The following NPAS3 variants were observed in gnomAD, a reference collection of about 807,000 sequenced individuals.
NPAS3 encodes the protein neuronal PAS domain-containing protein 3.
In NPAS3, 14 loss-of-function variants were observed where a neutral mutation model predicts 73.1. That is an observed-to-expected ratio of 0.19 (90% CI 0.13 to 0.30). NPAS3 has a LOEUF of 0.30. NPAS3 is among the 10% of genes least tolerant of loss of function. The pLI, the probability that NPAS3 is intolerant of heterozygous loss-of-function variation, is 1.00. For missense variants in NPAS3, 1,096 were observed against 1,250.0 expected, an observed-to-expected ratio of 0.88 and a Z score of 1.86; for synonymous variants, 620 against 541.5, an observed-to-expected ratio of 1.14 and a Z score of -2.01.
chr14:32,986,443 C>G (rs956802110), intron 1 of NPAS3, among the ~76,000 whole-genome samples: 10 of 152,096 alleles, frequency 6.6e-5, no homozygotes, highest in African/African-American at 2.2e-4. Context: ...TTTCCTTTGA[C>G]TATCAGGAAA....
intron 1 of NPAS3, among the ~76,000 whole-genome samples, chr14:33,049,585 G>C (rs1226814440): frequency 6.6e-6 from 1 of 152,170 alleles, no homozygotes; most frequent in Non-Finnish European, 1.5e-5. Flanking sequence ...AACAGCACAG[G>C]AAAGACCTGC....
chr14:33,513,674 A>T (rs1305886915), intron 4 of NPAS3, among the ~76,000 whole-genome samples: 1 of 151,986 alleles, frequency 6.6e-6, no homozygotes, highest in Non-Finnish European at 1.5e-5. Flanking sequence ...CTTCCAAGGG[A>T]GTAAGAAGGA....
intron 2 of NPAS3, among the ~76,000 whole-genome samples, chr14:33,204,891 AG>A: frequency 6.6e-6 from 1 of 152,170 alleles, no homozygotes. Context: ...AAGTAGGGAA[AG>A]GGTGGCATTT....
intron 1 of NPAS3, among the ~76,000 whole-genome samples, chr14:32,988,343 A>T (rs1458630037): frequency 1.3e-5 from 2 of 152,212 alleles, no homozygotes; most frequent in African/African-American, 4.8e-5. Context: ...TTAATCTTTT[A>T]TCTTCTCAGT....
intron 4 of NPAS3, among the ~76,000 whole-genome samples, chr14:33,402,312 T>G (rs1276288824): frequency 1.3e-5 from 2 of 152,138 alleles, no homozygotes; most frequent in African/African-American, 4.8e-5. Context: ...ATTGATACTT[T>G]TCCTCAATCT....
At chr14:33,784,989 A>G (rs2063124098) in intron 9 of NPAS3, among the ~76,000 whole-genome samples, 1 of 151,414 alleles carries the variant, frequency 6.6e-6, no homozygotes, top group Non-Finnish European at 1.5e-5. Context: ...ACCTCAGGTG[A>G]TCCACCTACC....
intron 5 of NPAS3, among the ~76,000 whole-genome samples, chr14:33,573,224 T>G (rs1380680143): frequency 6.6e-6 from 1 of 152,048 alleles, no homozygotes; most frequent in Non-Finnish European, 1.5e-5. Context: ...CAACCACGCT[T>G]TTAACCATGC....
At chr14:33,039,550 G>A (rs182909652) in intron 1 of NPAS3, among the ~76,000 whole-genome samples, 1 of 152,110 alleles carries the variant, frequency 6.6e-6, no homozygotes, top group Admixed American at 6.5e-5. Flanking sequence ...GTGTGAAATC[G>A]ATACACTATC....
At chr14:33,650,657 T>G (rs2058965143) in intron 5 of NPAS3, among the ~76,000 whole-genome samples, 1 of 152,158 alleles carries the variant, frequency 6.6e-6, no homozygotes, top group Admixed American at 6.5e-5. Context: ...GGCTGCAGAA[T>G]AAAAGACATC....
chr14:33,251,909 A>G (rs893935404), intron 3 of NPAS3, among the ~76,000 whole-genome samples: 3 of 151,994 alleles, frequency 2.0e-5, no homozygotes, highest in African/African-American at 7.2e-5. Context: ...ACCTGGCCCA[A>G]TTTATTTCAG....
At chr14:33,046,639 G>A (rs2040517098) in intron 1 of NPAS3, among the ~76,000 whole-genome samples, 1 of 152,168 alleles carries the variant, frequency 6.6e-6, no homozygotes, top group South Asian at 2.1e-4. Flanking sequence ...TCTGGAAGAA[G>A]GTGTGGGGCT....
At chr14:33,696,451 G>A (rs1458855991) in intron 6 of NPAS3, among the ~76,000 whole-genome samples, 1 of 152,158 alleles carries the variant, frequency 6.6e-6, no homozygotes, top group Admixed American at 6.5e-5. Flanking sequence ...ATAAACACGA[G>A]AGTGCTTCAT....
chr14:33,688,936 A>T (rs2060161743), intron 6 of NPAS3, among the ~76,000 whole-genome samples: 1 of 152,238 alleles, frequency 6.6e-6, no homozygotes, highest in African/African-American at 2.4e-5. Context: ...GTAGGAATTC[A>T]GTTAAATTGC....
intron 2 of NPAS3, among the ~76,000 whole-genome samples, chr14:33,061,830 C>T (rs1377696567): frequency 1.3e-5 from 2 of 152,108 alleles, no homozygotes; most frequent in African/African-American, 4.8e-5. Flanking sequence ...TGGAGCGGTG[C>T]CTCAGGAGAA....
At chr14:33,777,182 T>A (rs930849213) in intron 8 of NPAS3, among the ~76,000 whole-genome samples, 1 of 152,166 alleles carries the variant, frequency 6.6e-6, no homozygotes, top group African/African-American at 2.4e-5. Context: ...TTTAATGACA[T>A]CCTTGTTCCC....
In NPAS3 at chr14:33,349,100, A is replaced by G. The variant is rs200634389; in HGVS notation, c.386-18086A>G. On this transcript the variant is annotated intron_variant, in intron 3 of 11. Transcript: ENST00000356141. Reference sequence around the variant, plus strand: ...GGACGGAGGTCAGAAGCATGTTTCTAGGAAAATGAAATGTGGGGATTAACT... The same window carrying G: ...GGACGGAGGTCAGAAGCATGTTTCTGGGAAAATGAAATGTGGGGATTAACT... 3.9e-5 allele frequency among the ~76,000 whole-genome samples: 6 copies of G among 152,212 alleles called. No individual in the cohort carries two copies. In the East Asian group the frequency reaches 1.2e-3, roughly 29 times the overall value.
intron 2 of NPAS3, among the ~76,000 whole-genome samples, chr14:33,211,495 A>G (rs2047032890): frequency 6.6e-6 from 1 of 152,160 alleles, no homozygotes; most frequent in African/African-American, 2.4e-5. Context: ...TGGAGGTTGC[A>G]GTGAGCCAAG....
chr14:33,327,808 C>T (rs1290815523), intron 3 of NPAS3, among the ~76,000 whole-genome samples: 6 of 152,030 alleles, frequency 3.9e-5, no homozygotes, highest in Non-Finnish European at 8.8e-5. Flanking sequence ...TTGGCTGGAC[C>T]GGAGAGTGCA....
At chr14:33,547,498 C>T (rs2054903027) in intron 4 of NPAS3, among the ~76,000 whole-genome samples, 1 of 152,126 alleles carries the variant, frequency 6.6e-6, no homozygotes, top group Non-Finnish European at 1.5e-5. Flanking sequence ...GTTCACTGCC[C>T]TGGGTTCACA....
Sources: allele counts gnomAD v4.1 joint callset (sites outside exome capture counted in the v4.1 genomes callset), GRCh38; gene constraint gnomAD v4.1.1; transcripts MANE v1.5; gene names NCBI Gene and HGNC (gene_info 2026-07-23, HGNC 2026-07-21).